MAP3K9: variants seen among roughly 807,000 people sequenced by gnomAD.
MAP3K9 encodes mixed lineage kinase 1 (tyr and ser/thr specificity).
Under a neutral mutation model 95.8 loss-of-function variants are expected in MAP3K9, and 46 were observed. The ratio of observed to expected loss-of-function variants is 0.48; its 90% CI spans 0.38 to 0.61. The LOEUF is 0.61. Ranked by LOEUF, MAP3K9 falls within the 20% of genes least tolerant of loss-of-function variation. MAP3K9 has a pLI of 0.00. For missense variants in MAP3K9, 1,296 were observed against 1,474.3 expected (o/e 0.88, Z 1.98); for synonymous variants, 533 against 593.8 (o/e 0.90, Z 1.49).
intron 2 of MAP3K9, among the ~76,000 whole-genome samples, chr14:70,766,986 T>C (rs1208618689): frequency 6.6e-6 from 1 of 152,198 alleles, no homozygotes; most frequent in East Asian, 1.9e-4. Flanking sequence ...TCCGCTAGCA[T>C]GTGATACAGT....
chr14:70,768,994 T>A (rs984386149), intron 2 of MAP3K9, among the ~76,000 whole-genome samples: 1 of 152,200 alleles, frequency 6.6e-6, no homozygotes, highest in African/African-American at 2.4e-5. Flanking sequence ...TAAAGTTTAT[T>A]GTTAAACGTA....
chr14:70,751,846 T>C (rs971071204), intron 3 of MAP3K9, among the ~76,000 whole-genome samples: 1 of 152,196 alleles, frequency 6.6e-6, no homozygotes, highest in Non-Finnish European at 1.5e-5. Context: ...ATTATCAACA[T>C]TTTGCACACA....
chr14:70,756,915 A>T (rs2054306154), intron 3 of MAP3K9, among the ~76,000 whole-genome samples: 2 of 152,246 alleles, frequency 1.3e-5, no homozygotes, highest in South Asian at 4.1e-4. Flanking sequence ...AAGCAATAAA[A>T]GTGTTAAACT....
chr14:70,773,190 T>C (rs1020646090), intron 2 of MAP3K9, among the ~76,000 whole-genome samples: 3 of 152,156 alleles, frequency 2.0e-5, no homozygotes, highest in African/African-American at 7.2e-5. Context: ...CAGTAGGTCA[T>C]TGCCCCCAAG....
In MAP3K9 at chr14:70,748,797, CGTTTTTTTGTT is replaced by C. The variant is rs764631094; in HGVS notation, c.1326+21_1326+31del. On this transcript the variant is annotated intron_variant, in intron 5 of 11. Transcript: ENST00000554752. The stretch of plus-strand genomic sequence containing the variant: ...AATGCATGCCTTTTTTCTTTTCGTT[CGTTTTTTTGTT>C]GTTTTTTTTGTTTTGTTTACCTTTT... 5 of 1,567,502 alleles carry C rather than the reference CGTTTTTTTGTT, an allele frequency of 3.2e-6. No individual in the cohort carries two copies. In the South Asian group the frequency reaches 3.5e-5, roughly 11 times the overall value.
chr14:70,790,616 C>A (rs550836185), intron 2 of MAP3K9, among the ~76,000 whole-genome samples: 1 of 152,344 alleles, frequency 6.6e-6, no homozygotes, highest in South Asian at 2.1e-4. Context: ...ATAATAAGAG[C>A]CCTGACCTTT....
Position 70,800,668 on chromosome 14 carries a change from G to A in MAP3K9, c.819C>T (p.Asn273=). ...CCAGCCCCATCTCTTCATACTCACT[G>A]TTGCTGGACTTAAGGTCGCGGTGGA... ...PIIHRDLKSS[N]ILILQKVENG... Residue 273 remains asparagine, a splice_region_variant and synonymous_variant, in exon 2 of 12, where the codon AAC becomes AAT. Coordinates refer to ENST00000554752, the MANE Select transcript of MAP3K9 (RefSeq NM_001284230.2). The A allele has an allele frequency of 6.2e-7, 1 of 1,612,416 alleles. No individual in the cohort carries two copies. The highest frequency in any genetic ancestry group is 1.7e-4 in the Middle Eastern group (1 of 5,838).
At chr14:70,752,427 C>G (rs112448896) in intron 3 of MAP3K9, among the ~76,000 whole-genome samples, 2 of 152,170 alleles carry the variant, frequency 1.3e-5, no homozygotes, top group Non-Finnish European at 2.9e-5. Flanking sequence ...GACAGTCCTG[C>G]AGGCTGCCCT....
At chr14:70,790,157 T>A (rs756402592) in intron 2 of MAP3K9, among the ~76,000 whole-genome samples, 8 of 152,202 alleles carry the variant, frequency 5.3e-5, no homozygotes, top group Non-Finnish European at 1.2e-4. Flanking sequence ...CAAGGCCATC[T>A]GTCATGCCCT....
chr14:70,742,961 T>A (rs1477887979), intron 5 of MAP3K9, among the ~76,000 whole-genome samples: 2 of 149,930 alleles, frequency 1.3e-5, no homozygotes, highest in Admixed American at 1.3e-4. Flanking sequence ...AATATAATCA[T>A]GTATTTATTT....
Position 70,760,988 on chromosome 14 carries a change from C to A in MAP3K9, c.1001+14G>T, listed in dbSNP as rs766054521. 1 of 1,612,696 alleles carries A rather than the reference C, an allele frequency of 6.2e-7. No homozygotes were observed. The highest frequency in any genetic ancestry group is 8.5e-7 in the Non-Finnish European group (1 of 1,179,560). ...GGACCTAGGAAATGCTGTCCCTGCC[C>A]CCCTGGACCTTACCTCCACACATCA... On this transcript the variant is annotated intron_variant, in intron 3 of 11. Transcript: ENST00000554752.
chr14:70,742,505 C>G lies in MAP3K9; in HGVS notation c.1413G>C (p.Glu471Asp), dbSNP rs143332721. The G allele has an allele frequency of 1.2e-6, 2 of 1,614,264 alleles. No individual in the cohort carries two copies. Among genetic ancestry groups the G allele is most frequent in the African/African-American group, 2.7e-5 (2 of 75,068 alleles). Residue 471 changes from glutamate (E) to aspartate (D), a missense_variant, in exon 6 of 12, where the codon GAG (glutamate) becomes GAC (aspartate). Around this residue, in one of 5 missense-constraint regions of MAP3K9, gnomAD observed 377 missense variants for 417.1 expected, o/e 0.90. Transcript: ENST00000554752. ...QEELLRRREQ[E>D]LAEREIDILE... ...GGATGTCAATCTCCCGCTCGGCCAG[C>G]TCCTGCTCCCGACGCCGCAGCAGTT... is the stretch of plus-strand genomic sequence containing the variant.
chr14:70,790,013 C>A (rs1376012265), intron 2 of MAP3K9, among the ~76,000 whole-genome samples: 1 of 152,194 alleles, frequency 6.6e-6, no homozygotes, highest in Non-Finnish European at 1.5e-5. Context: ...CTCCGAGACA[C>A]CAGGATGCCC....
chr14:70,730,426 G>A lies in MAP3K9; in HGVS notation c.3269C>T (p.Thr1090Ile). The A allele has an allele frequency of 6.2e-7, 1 of 1,614,168 alleles. No homozygotes were observed. Among genetic ancestry groups the A allele is most frequent in the Non-Finnish European group, 8.5e-7 (1 of 1,180,008 alleles). ...TVPLCRAELN[T>I]HRPAPYEIQQ... ...GATCTCATAAGGGGCAGGCCTGTGT[G>A]TGTTCAGTTCCGCTCTGCACAGCGG... The change falls in exon 12 of 12, where the codon ACA (threonine) becomes ATA (isoleucine). Residue 1090 changes from threonine to isoleucine, a missense_variant. Physicochemically the swap from Thr to Ile is moderately conservative, Grantham distance 89 (BLOSUM62 -1). Coordinates refer to ENST00000554752, the MANE Select transcript of MAP3K9 (RefSeq NM_001284230.2).
At chr14:70,782,389 T>G (rs2054690896) in intron 2 of MAP3K9, among the ~76,000 whole-genome samples, 2 of 152,128 alleles carry the variant, frequency 1.3e-5, no homozygotes, top group Admixed American at 1.3e-4. Context: ...CCAGGCTCTG[T>G]GACCTGCACT....
rs746510998 is a variant in MAP3K9 at position 70,761,172 on chromosome 14, G to A, written c.831C>T (p.Leu277=). The change falls in exon 3 of 12, where the codon CTC becomes CTT. Residue 277 remains leucine (L), a synonymous_variant. Transcript: ENST00000554752. ...TCAGGTCTCCATTCTCCACCTTCTGGAGGATCAATACTAGGCAAGGAAAAG... is the reference window on the plus strand; with the variant it reads ...TCAGGTCTCCATTCTCCACCTTCTGAAGGATCAATACTAGGCAAGGAAAAG... ...RDLKSSNILI[L]QKVENGDLSN... is the part of the protein sequence containing the mutation. The A allele has an allele frequency of 3.7e-6, 6 of 1,612,894 alleles. No homozygotes were observed. The highest frequency in any genetic ancestry group is 5.1e-6 in the Non-Finnish European group (6 of 1,179,488).
intron 2 of MAP3K9, among the ~76,000 whole-genome samples, chr14:70,784,485 G>A (rs8006715): frequency 0.23 from 34,487 of 152,090 alleles, 4,214 homozygotes; most frequent in South Asian, 0.38. Context: ...GCTCATGCCT[G>A]TAATCCCACA....
intron 5 of MAP3K9, among the ~76,000 whole-genome samples, chr14:70,747,535 A>G (rs192316019): frequency 9.0e-4 from 137 of 152,316 alleles, no homozygotes; most frequent in African/African-American, 3.1e-3. Flanking sequence ...CTAATATAAT[A>G]TTACAACGAA....
chr14:70,803,337 TAA>T (rs10583563), intron 1 of MAP3K9, among the ~76,000 whole-genome samples: 14,403 of 74,176 alleles, frequency 0.19, 920 homozygotes, highest in East Asian at 0.29. Context: ...ATTCAGATCT[TAA>T]AAAAAAAAAA....
Sources: gnomAD v4.1 joint callset for allele counts (sites outside exome capture counted in the v4.1 genomes callset) on GRCh38, gnomAD v4.1.1 for gene constraint, gnomAD v4.1.1 regional missense constraint, MANE v1.5 for transcripts, NCBI Gene and HGNC (gene_info 2026-07-23, HGNC 2026-07-21) for gene names.